Variants in REL observed in about 807,000 individuals in gnomAD.
REL encodes REL proto-oncogene, NF-kB subunit.
Under a neutral mutation model 45.9 loss-of-function variants are expected in REL, and 15 were observed. That is an observed-to-expected ratio of 0.33 (90% confidence interval 0.22 to 0.50). The LOEUF (loss-of-function observed/expected upper bound fraction) is 0.50, where lower values mean the gene tolerates loss of function less well. Among genes scored for constraint, REL ranks in the 20% least tolerant of loss-of-function variants. The probability of loss-of-function intolerance (pLI) is 0.98; values close to 1 mark genes in which losing one functional copy is unlikely to be tolerated. For synonymous variants in REL, 239 were observed against 242.1 expected (o/e 0.99, Z 0.12); for missense variants, 601 against 715.2 (o/e 0.84, Z 1.82).
At position 60,918,416 on chromosome 2, in the gene REL, G is replaced by A; in HGVS notation, c.663G>A (p.Val221=). Residue 221 remains valine, a synonymous_variant, in exon 7 of 10, where the codon GTG becomes GTA. Transcript: ENST00000394479. The part of the protein sequence containing the change: ...VQKDDIEVRF[V]LNDWEAKGIF... Reference sequence around the variant, plus strand: ...TAGATGACATAGAAGTTCGTTTTGTGTTGAACGATTGGGAAGCAAAAGGCA... The same window carrying A: ...TAGATGACATAGAAGTTCGTTTTGTATTGAACGATTGGGAAGCAAAAGGCA... The A allele has an allele frequency of 1.2e-6, 2 of 1,610,732 alleles. No individual in the cohort carries two copies. The highest frequency in any genetic ancestry group is 1.7e-6 in the Non-Finnish European group (2 of 1,179,122).
chr2:60,883,164 G>C (rs1015435228), intron 1 of REL, among the ~76,000 whole-genome samples: 2 of 152,058 alleles, frequency 1.3e-5, no homozygotes, highest in Admixed American at 6.6e-5. Context: ...TGAAGAGGGG[G>C]CCCCGTTTAT....
Position 60,928,521 on chromosome 2 carries a change from A to C in REL, c.*5986A>C, listed in dbSNP as rs1465379862. 6.1e-5 allele frequency: 9 copies of C among 146,492 alleles called. No individual in the cohort carries two copies. Among genetic ancestry groups the C allele is most frequent in the Non-Finnish European group, 9.0e-5 (6 of 66,432 alleles). The allele number at this position is 146,492 out of a possible 1,614,324, so 9.1% of individuals were successfully genotyped here. On this transcript the variant is annotated 3_prime_UTR_variant, in exon 10 of 10. Transcript: ENST00000394479. ...ACAGAGCCCTCAGAAATAACGCCGCATATCTACAACTATCTGATCTTTGAC... is the reference window on the plus strand; with the variant it reads ...ACAGAGCCCTCAGAAATAACGCCGCCTATCTACAACTATCTGATCTTTGAC...
chr2:60,904,108 T>C (rs1673571620), intron 4 of REL, among the ~76,000 whole-genome samples: 1 of 151,780 alleles, frequency 6.6e-6, no homozygotes, highest in Admixed American at 6.6e-5. Flanking sequence ...ATTTTAAAAA[T>C]AAGAAAATGG....
intron 4 of REL, among the ~76,000 whole-genome samples, chr2:60,907,835 T>C (rs1673704489): frequency 6.6e-6 from 1 of 151,458 alleles, no homozygotes; most frequent in African/African-American, 2.4e-5. Context: ...GGACTACAGG[T>C]GCCCGCCACC....
At chr2:60,917,887 G>C (rs1260707513) in intron 5 of REL, among the ~76,000 whole-genome samples, 1 of 152,000 alleles carries the variant, frequency 6.6e-6, no homozygotes, top group Admixed American at 6.6e-5. Flanking sequence ...ATGGGGATGT[G>C]GTCATGATTT....
At position 60,899,003 on chromosome 2, in the gene REL, G is replaced by A. The variant is rs556276908; in HGVS notation, c.303-1989G>A. On this transcript the variant is annotated intron_variant, in intron 3 of 9. Transcript: ENST00000394479. ...AAATTACCACCACCCCTAATATTCC[G>A]TGAATAGCAGTCAAATATGAGATTA... 9 of 152,120 alleles carry A rather than the reference G, an allele frequency of 5.9e-5. 1 individual carries two copies. In the South Asian group the frequency reaches 1.9e-3, roughly 31 times the overall value. 9.4% of individuals were successfully genotyped at this position (152,120 alleles called of 1,614,324 possible).
intron 3 of REL, among the ~76,000 whole-genome samples, chr2:60,897,508 A>C (rs966930561): frequency 6.6e-6 from 1 of 151,670 alleles, no homozygotes; most frequent in African/African-American, 2.4e-5. Context: ...GGGTTTCATC[A>C]TGTTGGCCAG....
rs954556409 is a variant in REL, at chr2:60,926,667, C to T, written c.*4132C>T. ...ACCTGAATGTCCTGATAAACTGGCT[C>T]GCTCTCTTCTTTACCTTCCATAATG... On this transcript the variant is annotated 3_prime_UTR_variant, in exon 10 of 10. Coordinates refer to ENST00000394479, the MANE Select transcript of REL (RefSeq NM_001291746.2). 5 of 229,094 alleles carry T rather than the reference C, an allele frequency of 2.2e-5. No individual in the cohort carries two copies. Among genetic ancestry groups the T allele is most frequent in the East Asian group, 6.1e-5 (1 of 16,266 alleles). The allele number at this position is 229,094 out of a possible 1,614,324, so 14.2% of individuals were successfully genotyped here.
chr2:60,917,783 G>A (rs770894189), intron 5 of REL, among the ~76,000 whole-genome samples: 43 of 151,770 alleles, frequency 2.8e-4, no homozygotes, highest in Non-Finnish European at 5.4e-4. Flanking sequence ...CCTGTTTTAT[G>A]TGTAGAAGGA....
chr2:60,922,778 T>C lies in REL; in HGVS notation c.*243T>C. 2 of 1,098,456 alleles carry C rather than the reference T, an allele frequency of 1.8e-6. No individual in the cohort carries two copies. The highest frequency in any genetic ancestry group is 3.1e-5 in the South Asian group (1 of 32,358). The allele number at this position is 1,098,456 out of a possible 1,614,324, so 68.0% of individuals were successfully genotyped here. On this transcript the variant is annotated 3_prime_UTR_variant, in exon 10 of 10. Coordinates refer to ENST00000394479, the MANE Select transcript of REL (RefSeq NM_001291746.2). ...CAACTCAGAGGCCAGGCGCAGGGGC[T>C]CACACCTGTAATCCTAGCACTTTGG...
chr2:60,915,655 T>A (rs1040020800), intron 4 of REL, among the ~76,000 whole-genome samples: 12 of 152,228 alleles, frequency 7.9e-5, no homozygotes, highest in African/African-American at 2.9e-4. Flanking sequence ...CAAAATTTAA[T>A]ACTTTGCAAA....
intron 4 of REL, among the ~76,000 whole-genome samples, chr2:60,904,361 C>G (rs573266150): frequency 6.6e-6 from 1 of 151,368 alleles, no homozygotes; most frequent in Non-Finnish European, 1.5e-5. Context: ...AAGATTGCTC[C>G]ACTGCACTCC....
Position 60,926,379 on chromosome 2 carries a change from G to A in REL, c.*3844G>A. On this transcript the variant is annotated 3_prime_UTR_variant, in exon 10 of 10. Coordinates refer to ENST00000394479, the MANE Select transcript of REL (RefSeq NM_001291746.2). ...GTCTTTAGCTCCTACAATTTTCTTA[G>A]GATATTCTGGGAAAGATGAGCGGAG... is the stretch of plus-strand genomic sequence containing the variant. 2 of 232,076 alleles carry A rather than the reference G, an allele frequency of 8.6e-6. No homozygotes were observed. Among genetic ancestry groups the A allele is most frequent in the Admixed American group, 1.1e-4 (2 of 17,720 alleles). 14.4% of individuals were successfully genotyped at this position (232,076 alleles called of 1,614,324 possible).
intron 4 of REL, among the ~76,000 whole-genome samples, chr2:60,915,397 G>A (rs1673936965): frequency 6.6e-6 from 1 of 152,192 alleles, no homozygotes; most frequent in African/African-American, 2.4e-5. Flanking sequence ...GTATGCTGCT[G>A]TAACACAAGT....
In REL at chr2:60,881,795, C is replaced by T. The variant is rs567319390; in HGVS notation, c.-46C>T. ...ACTGACTGACTGCGGCCGCCTCCGG[C>T]CAGGACGCTGGGAGCTGCCTGCGGG... On this transcript the variant is annotated 5_prime_UTR_variant, in exon 1 of 10. Coordinates refer to ENST00000394479, the MANE Select transcript of REL (RefSeq NM_001291746.2). The T allele has an allele frequency of 1.2e-5, 18 of 1,527,162 alleles. No individual in the cohort carries two copies. In the African/African-American group the frequency reaches 2.1e-4, roughly 18 times the overall value. 94.6% of individuals were successfully genotyped at this position (1,527,162 alleles called of 1,614,324 possible). A position where few individuals can be genotyped will look rare whatever the true frequency, so the allele number is the denominator to read the frequency against.
rs1038626092 is a variant in REL at position 60,923,344 on chromosome 2, A to C, written c.*809A>C. The C allele has an allele frequency of 4.4e-6, 1 of 227,736 alleles. No individual in the cohort carries two copies. 14.1% of individuals were successfully genotyped at this position (227,736 alleles called of 1,614,324 possible). On this transcript the variant is annotated 3_prime_UTR_variant, in exon 10 of 10. Coordinates refer to ENST00000394479, the MANE Select transcript of REL (RefSeq NM_001291746.2). The stretch of plus-strand genomic sequence containing the variant: ...TCTACATTTTATACTATTTCAATCT[A>C]TGCCTTTAAAGTTGCTTATGATTTT...
Position 60,921,964 on chromosome 2 carries a change from G to T in REL, c.1193G>T (p.Ser398Ile), listed in dbSNP as rs752575336. The T allele has an allele frequency of 6.2e-7, 1 of 1,614,120 alleles. No individual in the cohort carries two copies. Among genetic ancestry groups the T allele is most frequent in the Non-Finnish European group, 8.5e-7 (1 of 1,180,028 alleles). The change falls in exon 10 of 10, where the codon AGT (serine) becomes ATT (isoleucine). Residue 398 changes from serine to isoleucine, a missense_variant. Ser to Ile is a moderately radical substitution (Grantham distance 142). This residue lies in a region of REL where 334 missense variants were observed against 333.1 expected (regional missense o/e 1.00). Transcript: ENST00000394479. Reference sequence around the variant, plus strand: ...TCAGGCAATACAAACCCACTGAGTAGTTTTTCAACAAGGACACTTCCTTCT... The same window carrying T: ...TCAGGCAATACAAACCCACTGAGTATTTTTTCAACAAGGACACTTCCTTCT... ...PRSGNTNPLS[S>I]FSTRTLPSNS...
chr2:60,883,603 A>G (rs969190612), intron 1 of REL, among the ~76,000 whole-genome samples: 33 of 152,234 alleles, frequency 2.2e-4, no homozygotes, highest in African/African-American at 7.0e-4. Flanking sequence ...CGATTTAATC[A>G]AACTTTATTG....
chr2:60,920,000 C>G, intron 7 of REL, 41 bp from the exon 8 acceptor site: 1 of 1,307,416 alleles, frequency 7.6e-7, no homozygotes, highest in Non-Finnish European at 1.1e-6. Context: ...GGATACAATC[C>G]TATAATTTTT....
Sources: gnomAD v4.1 joint callset for allele counts (sites outside exome capture counted in the v4.1 genomes callset) on GRCh38, gnomAD v4.1.1 for gene constraint, gnomAD v4.1.1 regional missense constraint, MANE v1.5 for transcripts, NCBI Gene and HGNC (gene_info 2026-07-23, HGNC 2026-07-21) for gene names.